The following CDC42BPA variants were observed in gnomAD, a reference collection of about 807,000 sequenced individuals.
The protein encoded by CDC42BPA is serine/threonine-protein kinase MRCK alpha.
In CDC42BPA, 80 loss-of-function variants were observed where a neutral mutation model predicts 223.5. That is an observed-to-expected ratio of 0.36 (90% confidence interval 0.30 to 0.43). The LOEUF is 0.43. Ranked by LOEUF, CDC42BPA falls within the 20% of genes least tolerant of loss-of-function variation. CDC42BPA has a pLI of 1.00. For synonymous variants in CDC42BPA, 694 were observed against 718.6 expected, an observed-to-expected ratio of 0.97 and a Z score of 0.55; for missense variants, 1,743 against 2,099.9, an observed-to-expected ratio of 0.83 and a Z score of 3.32.
chr1:227,193,670 T>TG, intron 5 of CDC42BPA, 116 bp downstream of exon 5: 1 of 835,466 alleles, frequency 1.2e-6, no homozygotes, highest in Non-Finnish European at 1.8e-6. Context: ...ATAATTTTTT[T>TG]TGGTTGACGA....
At chr1:227,024,330 G>A (rs1174528015) in intron 31 of CDC42BPA, among the ~76,000 whole-genome samples, 3 of 152,150 alleles carry the variant, frequency 2.0e-5, no homozygotes, top group Non-Finnish European at 4.4e-5. Flanking sequence ...AAAGTACTAG[G>A]ATGTTGATAA....
At chr1:227,294,368 T>A (rs922273065) in intron 1 of CDC42BPA, among the ~76,000 whole-genome samples, 6 of 152,046 alleles carry the variant, frequency 3.9e-5, no homozygotes, top group Non-Finnish European at 7.4e-5. Context: ...GATTTTACAA[T>A]AATATAGAAG....
intron 1 of CDC42BPA, among the ~76,000 whole-genome samples, chr1:227,300,450 T>C (rs1691421599): frequency 6.6e-6 from 1 of 152,150 alleles, no homozygotes; most frequent in Non-Finnish European, 1.5e-5. Context: ...ATAAAGAATA[T>C]ATGGTATATA....
intron 1 of CDC42BPA, among the ~76,000 whole-genome samples, chr1:227,282,334 T>A (rs1688150668): frequency 6.6e-6 from 1 of 152,216 alleles, no homozygotes; most frequent in African/African-American, 2.4e-5. Context: ...TGTTAAAATG[T>A]GATTTCATCA....
intron 16 of CDC42BPA, among the ~76,000 whole-genome samples, chr1:227,088,440 A>T (rs957236400): frequency 2.0e-5 from 3 of 152,220 alleles, no homozygotes; most frequent in African/African-American, 7.2e-5. Context: ...CAGATTAGTA[A>T]GTGGATTGTA....
At chr1:227,166,804 T>C (rs999862763) in intron 5 of CDC42BPA, among the ~76,000 whole-genome samples, 1 of 151,964 alleles carries the variant, frequency 6.6e-6, no homozygotes, top group South Asian at 2.1e-4. Flanking sequence ...CCAACATCTA[T>C]CAACTGAGTA....
chr1:227,309,078 A>C (rs544410699), intron 1 of CDC42BPA, among the ~76,000 whole-genome samples: 2 of 152,050 alleles, frequency 1.3e-5, no homozygotes, highest in African/African-American at 4.8e-5. Flanking sequence ...AGAAAAAAGA[A>C]AAAAGGCCAG....
intron 1 of CDC42BPA, among the ~76,000 whole-genome samples, chr1:227,311,600 C>T (rs1470577973): frequency 6.6e-6 from 1 of 152,006 alleles, no homozygotes; most frequent in African/African-American, 2.4e-5. Flanking sequence ...AAAGTCAATG[C>T]CCATTAGCCC....
intron 14 of CDC42BPA, among the ~76,000 whole-genome samples, chr1:227,110,724 A>G (rs953130395): frequency 4.6e-5 from 7 of 152,226 alleles, no homozygotes; most frequent in Non-Finnish European, 1.0e-4. Context: ...ACTTCTACAT[A>G]CTAATCCTGC....
At chr1:227,099,270 A>C (rs1196362077) in intron 15 of CDC42BPA, among the ~76,000 whole-genome samples, 2 of 151,958 alleles carry the variant, frequency 1.3e-5, no homozygotes, top group South Asian at 2.1e-4. Context: ...ACTGTAAAAC[A>C]ACCTCAGGCA....
At chr1:227,028,212 TA>T (rs1668629221) in intron 30 of CDC42BPA, among the ~76,000 whole-genome samples, 1 of 152,126 alleles carries the variant, frequency 6.6e-6, no homozygotes. Flanking sequence ...CCCATCTAGA[TA>T]AAAGTGGAAA....
intron 11 of CDC42BPA, among the ~76,000 whole-genome samples, chr1:227,125,142 G>A (rs1257488051): frequency 6.6e-6 from 1 of 151,754 alleles, no homozygotes; most frequent in Non-Finnish European, 1.5e-5. Context: ...TAGGAAAGGG[G>A]TAGACCAGAA....
At chr1:227,142,550 A>C (rs1035623580) in intron 9 of CDC42BPA, among the ~76,000 whole-genome samples, 4 of 152,144 alleles carry the variant, frequency 2.6e-5, no homozygotes, top group Non-Finnish European at 5.9e-5. Flanking sequence ...GTTTTAATTC[A>C]CAAAGTTTTC....
chr1:227,165,914 T>C (rs979713704), intron 5 of CDC42BPA, among the ~76,000 whole-genome samples: 4 of 152,220 alleles, frequency 2.6e-5, no homozygotes, highest in African/African-American at 4.8e-5. Context: ...GTGTTAAGTA[T>C]TGTTTGATTA....
chr1:227,026,161 AG>A lies in CDC42BPA; in HGVS notation c.4433-10del. 1 of 1,504,208 alleles carries A rather than the reference AG, an allele frequency of 6.6e-7. No homozygotes were observed. The allele number at this position is 1,504,208 out of a possible 1,614,324, so 93.2% of individuals were successfully genotyped here. A position where few individuals can be genotyped will look rare whatever the true frequency, so the allele number is the denominator to read the frequency against. Reference sequence around the variant, plus strand: ...ATATGGTGCATTGTAACCTGGGAGAAGGGAAGGGGGGGCAGCTTGCGGATTA... The same window carrying A: ...ATATGGTGCATTGTAACCTGGGAGAAGGAAGGGGGGGCAGCTTGCGGATTA... On this transcript the variant is annotated splice_polypyrimidine_tract_variant and intron_variant, in intron 30 of 36. Transcript: ENST00000366766.
At chr1:227,085,127 T>TA (rs1681587827) in intron 16 of CDC42BPA, among the ~76,000 whole-genome samples, 1 of 149,590 alleles carries the variant, frequency 6.7e-6, no homozygotes, top group Admixed American at 6.6e-5. Flanking sequence ...TCAGCCTATA[T>TA]AATCACTTGA....
chr1:227,133,401 C>T (rs576287081), intron 10 of CDC42BPA, among the ~76,000 whole-genome samples: 15 of 152,196 alleles, frequency 9.9e-5, no homozygotes, highest in African/African-American at 3.4e-4. Context: ...CGCTTCTGCC[C>T]GGCCGCCCCT....
At chr1:227,167,979 C>T (rs138478923) in intron 5 of CDC42BPA, among the ~76,000 whole-genome samples, 1 of 151,678 alleles carries the variant, frequency 6.6e-6, no homozygotes, top group Non-Finnish European at 1.5e-5. Context: ...GGCTCAAGTG[C>T]AGTGGCATGA....
chr1:227,302,099 A>G (rs1691735532), intron 1 of CDC42BPA, among the ~76,000 whole-genome samples: 1 of 152,078 alleles, frequency 6.6e-6, no homozygotes, highest in African/African-American at 2.4e-5. Context: ...CAAAGTTGTC[A>G]TTTTGTATTC....
Sources: gnomAD v4.1 joint callset for allele counts (sites outside exome capture counted in the v4.1 genomes callset) on GRCh38, gnomAD v4.1.1 for gene constraint, MANE v1.5 for transcripts, NCBI Gene and HGNC (gene_info 2026-07-23, HGNC 2026-07-21) for gene names.